ANKS3: variants seen among roughly 807,000 people sequenced by gnomAD.
ANKS3 encodes the protein ankyrin repeat and SAM domain-containing protein 3.
Under a neutral mutation model 80.7 loss-of-function variants are expected in ANKS3, and 62 were observed. That is an observed-to-expected ratio of 0.77 (90% CI 0.63 to 0.95). The LOEUF (loss-of-function observed/expected upper bound fraction) is 0.95, where lower values mean the gene tolerates loss of function less well. Among genes scored for constraint, ANKS3 ranks in the 40% least tolerant of loss-of-function variants. The probability of loss-of-function intolerance (pLI) is 0.00; values close to 1 mark genes in which losing one functional copy is unlikely to be tolerated. For missense variants in ANKS3, 1,150 were observed against 883.6 expected (o/e 1.30, Z -3.82); for synonymous variants, 489 against 355.3 (o/e 1.38, Z -4.23).
rs746800024 is a variant in ANKS3 at position 4,705,131 on chromosome 16, T to C, written c.832A>G (p.Ile278Val). 6 of 1,613,192 alleles carry C rather than the reference T, an allele frequency of 3.7e-6. No individual in the cohort carries two copies. The highest frequency in any genetic ancestry group is 2.7e-5 in the African/African-American group (2 of 74,924). ...CGTGGGGCTCTGCCGCCCAGGCCAA[T>C]GCCTGTGATCCTGGCCAGGGCTCGC... ...GPRALARITG[I>V]GLGGRAPRPR... Residue 278 changes from isoleucine (I) to valine (V), a missense_variant, in exon 8 of 18, where the codon ATT becomes GTT. Physicochemically the swap from Ile to Val is conservative, Grantham distance 29. Coordinates refer to ENST00000304283, the MANE Select transcript of ANKS3 (RefSeq NM_133450.4).
Position 4,729,979 on chromosome 16 carries a change from C to A in ANKS3, c.170+1G>T. ...AGAGGAAGTTCCCCGAGATCTCTTA[C>A]CGCTGCACACACTCCTTCACCACTT... On this transcript the variant is annotated splice_donor_variant, in intron 3 of 17. Transcript: ENST00000304283. LOFTEE classifies it high-confidence loss of function. 1.3e-6 allele frequency: 2 copies of A among 1,491,864 alleles called. No individual in the cohort carries two copies. Among genetic ancestry groups the A allele is most frequent in the Non-Finnish European group, 1.8e-6 (2 of 1,110,040 alleles). 92.4% of individuals were successfully genotyped at this position (1,491,864 alleles called of 1,614,324 possible).
In ANKS3 at chr16:4,726,846, G is replaced by A. The variant is rs2081379334; in HGVS notation, c.370-66C>T. ...TCTGCGTGGGGCGGGCGCCCTCCAG[G>A]CGGCCATGCTGCAAGAATCAGAAGT... On this transcript the variant is annotated intron_variant, in intron 4 of 17. Transcript: ENST00000304283. The A allele has an allele frequency of 2.5e-6, 4 of 1,597,892 alleles. No homozygotes were observed. The Admixed American group carries it at 5.0e-5, about 20-fold the overall frequency.
At chr16:4,709,643 A>G (rs908012019) in intron 7 of ANKS3, among the ~76,000 whole-genome samples, 1 of 152,236 alleles carries the variant, frequency 6.6e-6, no homozygotes, top group Non-Finnish European at 1.5e-5. Flanking sequence ...AAAGAATGAA[A>G]TCTGATCATT....
At position 4,697,012 on chromosome 16, in the gene ANKS3, C is replaced by G. The variant is rs1217318452; in HGVS notation, c.*11+5G>C. On this transcript the variant is annotated splice_donor_5th_base_variant and intron_variant, in intron 17 of 17. Coordinates refer to ENST00000304283, the MANE Select transcript of ANKS3 (RefSeq NM_133450.4). ...CACGCGGGATCCAGGCTGGCAGACA[C>G]TCACCGGCCCGCAGGCTAGGTCTCC... 1 of 1,611,702 alleles carries G rather than the reference C, an allele frequency of 6.2e-7. No homozygotes were observed. Among genetic ancestry groups the G allele is most frequent in the Non-Finnish European group, 8.5e-7 (1 of 1,179,296 alleles).
chr16:4,697,119 C>G lies in ANKS3; in HGVS notation c.1895-15G>C, dbSNP rs1037806759. The G allele has an allele frequency of 1.9e-6, 3 of 1,612,096 alleles. No homozygotes were observed. The highest frequency in any genetic ancestry group is 1.1e-5 in the South Asian group (1 of 90,800). On this transcript the variant is annotated splice_polypyrimidine_tract_variant and intron_variant, in intron 16 of 17. Transcript: ENST00000304283. ...CAGTGCTTGCCCTGAGGAATGATGACCTTGAGCCTCTCCCGGCCAGGCTCA... is the reference window on the plus strand; with the variant it reads ...CAGTGCTTGCCCTGAGGAATGATGAGCTTGAGCCTCTCCCGGCCAGGCTCA...
At chr16:4,713,037 A>G (rs1198330554) in intron 7 of ANKS3, among the ~76,000 whole-genome samples, 1 of 152,188 alleles carries the variant, frequency 6.6e-6, no homozygotes, top group Non-Finnish European at 1.5e-5. Context: ...TGGGAGGCTG[A>G]GATGGGTGGA....
At chr16:4,724,634 T>C in intron 6 of ANKS3, 116 bp downstream of exon 6, 1 of 1,001,756 alleles carries the variant, frequency 1.0e-6, no homozygotes, top group African/African-American at 1.6e-5. Context: ...ATGTGTTGAA[T>C]AAATGAATGA....
Position 4,730,139 on chromosome 16 carries a change from A to T in ANKS3, c.11T>A (p.Leu4His). 2 of 1,562,762 alleles carry T rather than the reference A, an allele frequency of 1.3e-6. No homozygotes were observed. The highest frequency in any genetic ancestry group is 2.7e-5 in the African/African-American group (2 of 73,222). Residue 4 changes from leucine to histidine, a missense_variant, in exon 3 of 18, where the codon CTC becomes CAC. Transcript: ENST00000304283. ...TTCCGGCTCGCTGGCTTCATCGCTG[A>T]GCTCGGACATCACTGAGGAGGAAGG... is the stretch of plus-strand genomic sequence containing the variant. MSE[L>H]SDEASEPELL...
intron 7 of ANKS3, among the ~76,000 whole-genome samples, chr16:4,705,730 G>A (rs538883252): frequency 7.0e-4 from 107 of 152,230 alleles, no homozygotes; most frequent in Non-Finnish European, 1.2e-3. Context: ...AAAGTGCTGG[G>A]ATTACAGGCA....
chr16:4,698,281 G>C (rs1040968601), intron 14 of ANKS3, 146 bp downstream of exon 14: 31 of 1,244,478 alleles, frequency 2.5e-5, no homozygotes, highest in Middle Eastern at 2.7e-4. Flanking sequence ...CAGGAAGGAA[G>C]GGCCTGATGA....
At chr16:4,715,910 A>G (rs999837258) in intron 6 of ANKS3, among the ~76,000 whole-genome samples, 5 of 152,084 alleles carry the variant, frequency 3.3e-5, no homozygotes, top group Non-Finnish European at 5.9e-5. Flanking sequence ...TCACTGTGGC[A>G]TTCAGCATAG....
intron 13 of ANKS3, 80 bp downstream of exon 13, chr16:4,698,720 C>G (rs191530760): frequency 6.5e-7 from 1 of 1,547,854 alleles, no homozygotes; most frequent in East Asian, 2.2e-5. Context: ...CCCCTCCACA[C>G]AGCACCCACC....
chr16:4,702,346 A>C (rs1236986001), intron 8 of ANKS3, 104 bp from the exon 9 acceptor site: 2 of 1,238,438 alleles, frequency 1.6e-6, no homozygotes, highest in Non-Finnish European at 2.1e-6. Flanking sequence ...TCATGACCTC[A>C]CCTACTTGCC....
intron 15 of ANKS3, 112 bp downstream of exon 15, chr16:4,697,865 G>C: frequency 9.7e-7 from 1 of 1,033,602 alleles, no homozygotes; most frequent in Non-Finnish European, 1.4e-6. Flanking sequence ...ACAGGGACCT[G>C]GGAGAGTGGC....
chr16:4,697,041 C>G lies in ANKS3; in HGVS notation c.1958G>C (p.Trp653Ser). ...CCGGCCCGCAGGCTAGGTCTCCCGC[C>G]ACTTCTTCCCGTTCAGCACCTGCAG... Reference protein sequence around the residue: ...EKLQVLNGKKWRET With the variant: ...EKLQVLNGKKSRET Residue 653 changes from tryptophan (W) to serine (S), a missense_variant, in exon 17 of 18, where the codon TGG becomes TCG. Physicochemically the swap from Trp to Ser is radical, Grantham distance 177 (BLOSUM62 -3). Coordinates refer to ENST00000304283, the MANE Select transcript of ANKS3 (RefSeq NM_133450.4). 2 of 1,613,838 alleles carry G rather than the reference C, an allele frequency of 1.2e-6. No individual in the cohort carries two copies. The highest frequency in any genetic ancestry group is 1.7e-6 in the Non-Finnish European group (2 of 1,179,978).
In ANKS3 at chr16:4,714,136, C is replaced by T. The variant is rs2080647482; in HGVS notation, c.624G>A (p.Leu208=). Residue 208 remains leucine (L), a synonymous_variant, in exon 7 of 18, where the codon CTG becomes CTA. Coordinates refer to ENST00000304283, the MANE Select transcript of ANKS3 (RefSeq NM_133450.4). ...TCTTCATGTGTCCGTACTGCTTGGCCAGCATCCGGGCTGTGGCTCCACTGT... is the reference window on the plus strand; with the variant it reads ...TCTTCATGTGTCCGTACTGCTTGGCTAGCATCCGGGCTGTGGCTCCACTGT... ...RDHSGATARM[L]AKQYGHMKIV... 6.2e-7 allele frequency: 1 copy of T among 1,614,064 alleles called. No individual in the cohort carries two copies. Among genetic ancestry groups the T allele is most frequent in the Admixed American group, 1.7e-5 (1 of 59,998 alleles).
chr16:4,711,098 AT>A (rs35899381), intron 7 of ANKS3, among the ~76,000 whole-genome samples: 2,482 of 104,432 alleles, frequency 0.024, 61 homozygotes, highest in African/African-American at 0.085. Flanking sequence ...CTGAAACAGA[AT>A]TTTTTTTTTT....
intron 7 of ANKS3, 99 bp from the exon 8 acceptor site, chr16:4,705,352 T>C: frequency 1.4e-6 from 2 of 1,434,888 alleles, no homozygotes; most frequent in Non-Finnish European, 1.9e-6. Context: ...GCCGGTTTTG[T>C]TAAATTAAGG....
intron 6 of ANKS3, among the ~76,000 whole-genome samples, chr16:4,719,826 ATT>A (rs2080994730): frequency 1.3e-5 from 2 of 152,110 alleles, no homozygotes; most frequent in Middle Eastern, 3.4e-3. Flanking sequence ...TACAAAAATA[ATT>A]ATTTGCAGAA....
Sources: gnomAD v4.1 joint callset for allele counts (sites outside exome capture counted in the v4.1 genomes callset) on GRCh38, gnomAD v4.1.1 for gene constraint, MANE v1.5 for transcripts, NCBI Gene and HGNC (gene_info 2026-07-23, HGNC 2026-07-21) for gene names.